The following TP53I11 variants were observed in gnomAD, a reference collection of about 807,000 sequenced individuals.
TP53I11 encodes the protein tumor protein p53-inducible protein 11.
Under a neutral mutation model 23.3 loss-of-function variants are expected in TP53I11, and 9 were observed. That is an observed-to-expected ratio of 0.39 (90% CI 0.23 to 0.67). The LOEUF (loss-of-function observed/expected upper bound fraction) is 0.67. TP53I11 is among the 30% of genes least tolerant of loss of function. The pLI is 0.48. For missense variants in TP53I11, 170 were observed against 255.2 expected (o/e 0.67, Z 2.27); for synonymous variants, 100 against 106.1 (o/e 0.94, Z 0.35).
Position 44,938,261 on chromosome 11 carries a change from G to T in TP53I11, c.75C>A (p.Arg25=). The stretch of plus-strand genomic sequence containing the variant: ...CCTCCCCGCCCACGCCGAGGATCTT[G>T]CGGGTCTTCAGGCGGCTCACGAGGT... The part of the protein sequence containing the change: ...QTDLVSRLKT[R]KILGVGGEDD... The change falls in exon 2 of 7, where the codon CGC becomes CGA. Residue 25 remains arginine (R), a synonymous_variant. Coordinates refer to ENST00000525680, the MANE Select transcript of TP53I11 (RefSeq NM_006034.5). 1.2e-6 allele frequency: 2 copies of T among 1,613,188 alleles called. No individual in the cohort carries two copies. Among genetic ancestry groups the T allele is most frequent in the East Asian group, 2.2e-5 (1 of 44,830 alleles).
At chr11:44,945,822 G>A (rs894196337) in intron 1 of TP53I11, among the ~76,000 whole-genome samples, 1 of 152,202 alleles carries the variant, frequency 6.6e-6, no homozygotes, top group Non-Finnish European at 1.5e-5. Flanking sequence ...CTGCTCCCTG[G>A]AGGGCGGGAC....
Position 44,936,713 on chromosome 11 carries a change from C to T in TP53I11, c.334+90G>A. 7.4e-7 allele frequency: 1 copy of T among 1,347,154 alleles called. No individual in the cohort carries two copies. The highest frequency in any genetic ancestry group is 9.6e-7 in the Non-Finnish European group (1 of 1,041,558). 83.5% of individuals were successfully genotyped at this position (1,347,154 alleles called of 1,614,324 possible). A position where few individuals can be genotyped will look rare whatever the true frequency, so the allele number is the denominator to read the frequency against. ...ATCTGGCCGAAGAAAGGAAGGGGTGCCCGGGCACGGACCCCCGTGCTCTCC... is the reference window on the plus strand; with the variant it reads ...ATCTGGCCGAAGAAAGGAAGGGGTGTCCGGGCACGGACCCCCGTGCTCTCC... On this transcript the variant is annotated intron_variant, in intron 5 of 6. Coordinates refer to ENST00000525680, the MANE Select transcript of TP53I11 (RefSeq NM_006034.5). The surrounding 1 kb of genome is among the most constrained non-coding windows in gnomAD (Gnocchi z 4.4).
intron 1 of TP53I11, among the ~76,000 whole-genome samples, chr11:44,940,267 T>A (rs1318475839): frequency 6.6e-6 from 1 of 152,240 alleles, no homozygotes; most frequent in African/African-American, 2.4e-5. Flanking sequence ...CTTTTATCTT[T>A]TAATACATAC....
intron 1 of TP53I11, among the ~76,000 whole-genome samples, chr11:44,941,997 A>ACGCACACACACCACACACACACCG (rs1861806203): frequency 6.7e-6 from 1 of 148,600 alleles, no homozygotes; most frequent in African/African-American, 2.5e-5. Context: ...CACACCACAT[A>ACGCACACACACCACACACACACCG]TACACACCAT....
In TP53I11 at chr11:44,938,219, C is replaced by A. The variant is rs1224782686; in HGVS notation, c.117G>T (p.Val39=). The change falls in exon 2 of 7, where the codon GTG becomes GTT. Residue 39 remains valine, a synonymous_variant. Coordinates refer to ENST00000525680, the MANE Select transcript of TP53I11 (RefSeq NM_006034.5). ...CTCTGCACCCCACCTTGGAGCGATG[C>A]ACCTCCCCGTCGTCATCCTCCCCGC... ...GVGGEDDDGE[V]HRSKISQVLG... is the part of the protein sequence containing the mutation. The A allele has an allele frequency of 1.9e-6, 3 of 1,612,656 alleles. No homozygotes were observed. In the African/African-American group the frequency reaches 4.0e-5, roughly 22 times the overall value.
At position 44,937,366 on chromosome 11, in the gene TP53I11, AAAG is replaced by A. The variant is rs755597341; in HGVS notation, c.189-17_189-15del. ...AACTGCCAGACCCTGGGAGGCGTGGAAAGAAGATCACAGCCCTGCCCCAGGGGA... is the reference window on the plus strand; with the variant it reads ...AACTGCCAGACCCTGGGAGGCGTGGAAAGATCACAGCCCTGCCCCAGGGGA... On this transcript the variant is annotated splice_polypyrimidine_tract_variant and intron_variant, in intron 3 of 6. Coordinates refer to ENST00000525680, the MANE Select transcript of TP53I11 (RefSeq NM_006034.5). 4.1e-6 allele frequency: 6 copies of A among 1,473,196 alleles called. No individual in the cohort carries two copies. In the African/African-American group the frequency reaches 4.3e-5, roughly 10 times the overall value. The allele number at this position is 1,473,196 out of a possible 1,614,324, so 91.3% of individuals were successfully genotyped here. A position where few individuals can be genotyped will look rare whatever the true frequency, so the allele number is the denominator to read the frequency against.
At chr11:44,947,742 T>C (rs1165616754) in intron 1 of TP53I11, among the ~76,000 whole-genome samples, 1 of 152,176 alleles carries the variant, frequency 6.6e-6, no homozygotes, top group African/African-American at 2.4e-5. Flanking sequence ...ACTGATGAGC[T>C]GTATGCCTTT....
At chr11:44,947,487 A>G (rs1249631559) in intron 1 of TP53I11, among the ~76,000 whole-genome samples, 1 of 152,182 alleles carries the variant, frequency 6.6e-6, no homozygotes, top group African/African-American at 2.4e-5. Flanking sequence ...AAGGGAGAGG[A>G]AAGGACAGGA....
At chr11:44,937,681 T>A in intron 2 of TP53I11, 68 bp from the exon 3 acceptor site, 1 of 1,535,906 alleles carries the variant, frequency 6.5e-7, no homozygotes, top group Non-Finnish European at 9.0e-7. Flanking sequence ...TCGCTCATCC[T>A]CCCAGAGCCC....
At chr11:44,942,257 TAC>T (rs1491130420) in intron 1 of TP53I11, among the ~76,000 whole-genome samples, 7 of 78,562 alleles carry the variant, frequency 8.9e-5, no homozygotes, top group African/African-American at 1.6e-4. Context: ...ACCCACACAC[TAC>T]ACACACCCAC....
chr11:44,945,302 CCCA>C (rs2135499203), intron 1 of TP53I11, among the ~76,000 whole-genome samples: 1 of 152,300 alleles, frequency 6.6e-6, no homozygotes, highest in South Asian at 2.1e-4. Flanking sequence ...CCCTGCTATC[CCCA>C]CCACAACCCT....
chr11:44,945,735 G>C (rs1038399528), intron 1 of TP53I11, among the ~76,000 whole-genome samples: 5 of 152,194 alleles, frequency 3.3e-5, no homozygotes, highest in Non-Finnish European at 7.4e-5. Context: ...CACAGAGTTG[G>C]GGGGCGGGGT....
At position 44,942,791 on chromosome 11, in the gene TP53I11, G is replaced by A. The variant is rs1318186120; in HGVS notation, c.-31-4425C>T. Among the ~76,000 whole-genome samples the A allele has an allele frequency of 2.6e-5, 4 of 152,014 alleles. No individual in the cohort carries two copies. In the East Asian group the frequency reaches 5.8e-4, roughly 22 times the overall value. On this transcript the variant is annotated intron_variant, in intron 1 of 6. Transcript: ENST00000525680. ...GGCCCCACACCCACCTTCCAGCACA[G>A]ATAACTGCTCTGAGAACGGCGCTCC...
At chr11:44,942,628 G>C (rs1405481315) in intron 1 of TP53I11, among the ~76,000 whole-genome samples, 1 of 152,156 alleles carries the variant, frequency 6.6e-6, no homozygotes, top group Admixed American at 6.5e-5. Context: ...CTTCATCCAC[G>C]GGCACTGCCA....
rs996238371 is a variant in TP53I11 at position 44,933,275 on chromosome 11, G to A, written c.*1609C>T. On this transcript the variant is annotated 3_prime_UTR_variant, in exon 7 of 7. Coordinates refer to ENST00000525680, the MANE Select transcript of TP53I11 (RefSeq NM_006034.5). ...CCATGTTGCTGTATCTGGGTGCAGG[G>A]ACAGCCAGGCACAGGGTGGACAGGG... 6.6e-5 allele frequency: 10 copies of A among 152,426 alleles called. No individual in the cohort carries two copies. The highest frequency in any genetic ancestry group is 2.4e-4 in the African/African-American group (10 of 41,450). The allele number at this position is 152,426 out of a possible 1,614,324, so 9.4% of individuals were successfully genotyped here.
chr11:44,936,849 C>G lies in TP53I11; in HGVS notation c.288G>C (p.Gln96His), dbSNP rs1861184436. The G allele has an allele frequency of 6.2e-7, 1 of 1,609,808 alleles. No homozygotes were observed. The highest frequency in any genetic ancestry group is 1.1e-5 in the South Asian group (1 of 89,804). ...GGCGGATGGGGGTCTTGCTGGTCACCTGGGCTCCATCAAAGACCGCATCAT... is the reference window on the plus strand; with the variant it reads ...GGCGGATGGGGGTCTTGCTGGTCACGTGGGCTCCATCAAAGACCGCATCAT... ...QLYDAVFDGA[Q>H]VTSKTPIRLY... Residue 96 changes from glutamine (Q) to histidine (H), a missense_variant, in exon 5 of 7, where the codon CAG (glutamine) becomes CAC (histidine). Physicochemically the swap from Gln to His is conservative, Grantham distance 24. Coordinates refer to ENST00000525680, the MANE Select transcript of TP53I11 (RefSeq NM_006034.5). The surrounding 1 kb of genome is among the most constrained non-coding windows in gnomAD (Gnocchi z 4.4).
chr11:44,944,217 G>A (rs1862176917), intron 1 of TP53I11, among the ~76,000 whole-genome samples: 1 of 152,232 alleles, frequency 6.6e-6, no homozygotes, highest in Non-Finnish European at 1.5e-5. Context: ...AGGACTGGAT[G>A]AGAACACTGG....
At chr11:44,950,372 C>T (rs1862827917) in intron 1 of TP53I11, among the ~76,000 whole-genome samples, 1 of 152,140 alleles carries the variant, frequency 6.6e-6, no homozygotes, top group African/African-American at 2.4e-5. Context: ...GGAGGGCGAC[C>T]GCGGAGCCGG....
chr11:44,944,925 CCTGT>C (rs529069106), intron 1 of TP53I11, among the ~76,000 whole-genome samples: 160 of 152,226 alleles, frequency 1.1e-3, no homozygotes, highest in Non-Finnish European at 1.7e-3. Flanking sequence ...TCCCCAACCC[CCTGT>C]CTCTTTCCCA....
Sources: gnomAD v4.1 joint callset for allele counts (sites outside exome capture counted in the v4.1 genomes callset) on GRCh38, gnomAD v4.1.1 for gene constraint, Gnocchi (gnomAD v3.1) non-coding constraint, MANE v1.5 for transcripts, NCBI Gene and HGNC (gene_info 2026-07-23, HGNC 2026-07-21) for gene names.